The following PPFIBP2 variants were observed in gnomAD, a reference collection of about 807,000 sequenced individuals.
PPFIBP2 encodes the protein liprin-beta-2.
Under a neutral mutation model 118.3 loss-of-function variants are expected in PPFIBP2, and 118 were observed. The observed-to-expected ratio is 1.00, with a 90% CI of 0.86 to 1.16. The LOEUF (loss-of-function observed/expected upper bound fraction) is 1.16. PPFIBP2 is among the 50% of genes most tolerant of loss of function. PPFIBP2 has a pLI of 0.00. For missense variants in PPFIBP2, 1,195 were observed against 1,073.1 expected, an observed-to-expected ratio of 1.11 and a Z score of -1.59; for synonymous variants, 414 against 397.4, an observed-to-expected ratio of 1.04 and a Z score of -0.50.
At chr11:7,554,578 T>G (rs1853365215) in intron 2 of PPFIBP2, among the ~76,000 whole-genome samples, 1 of 151,398 alleles carries the variant, frequency 6.6e-6, no homozygotes, top group Non-Finnish European at 1.5e-5. Flanking sequence ...AGGAGTACTC[T>G]GAGAGGACAT....
chr11:7,605,980 A>G, intron 5 of PPFIBP2: 1 of 1,535,592 alleles, frequency 6.5e-7, no homozygotes, highest in Non-Finnish European at 8.7e-7. Flanking sequence ...AATAACAAGG[A>G]TGTGGAAGCT....
chr11:7,656,811 C>G, downstream of PPFIBP2: 1 of 1,289,708 alleles, frequency 7.8e-7, no homozygotes, highest in South Asian at 1.2e-5. Flanking sequence ...TTCTTCGTGG[C>G]TGAGAGCGTA....
At chr11:7,535,326 A>G (rs1008267235) in intron 1 of PPFIBP2, among the ~76,000 whole-genome samples, 1 of 152,204 alleles carries the variant, frequency 6.6e-6, no homozygotes, top group East Asian at 1.9e-4. Flanking sequence ...TTAGTTGAGG[A>G]AACAGCATGA....
chr11:7,665,969 AGT>A, the PPFIBP2 span: 3 of 1,496,624 alleles, frequency 2.0e-6, no homozygotes, highest in South Asian at 3.6e-5. Context: ...AGCCGGGAGC[AGT>A]GTGAGAGGCG....
At chr11:7,534,681 C>T (rs1174040400) in intron 1 of PPFIBP2, among the ~76,000 whole-genome samples, 2 of 152,142 alleles carry the variant, frequency 1.3e-5, no homozygotes, top group African/African-American at 4.8e-5. Context: ...GAGGTAAGGA[C>T]TACCACAGGT....
intron 3 of PPFIBP2, 117 bp downstream of exon 3, chr11:7,565,884 C>T (rs893732328): frequency 9.2e-6 from 11 of 1,193,822 alleles, no homozygotes; most frequent in Non-Finnish European, 9.3e-6. Context: ...CCTTTTCTTC[C>T]ATCCCACTTT....
chr11:7,605,976 A>G, intron 5 of PPFIBP2: 14 of 1,535,478 alleles, frequency 9.1e-6, no homozygotes, highest in Non-Finnish European at 1.2e-5. Flanking sequence ...AGTTAATAAC[A>G]AGGATGTGGA....
downstream of PPFIBP2, among the ~76,000 whole-genome samples, chr11:7,653,953 C>G (rs1052326943): frequency 4.6e-5 from 7 of 152,096 alleles, no homozygotes; most frequent in Non-Finnish European, 1.0e-4. Context: ...GGTCCGTGGC[C>G]GCACTGCTTC....
rs190618429 is a variant in PPFIBP2, at chr11:7,640,253, T to C, written c.1375+383T>C. On this transcript the variant is annotated intron_variant, in intron 15 of 23. Coordinates refer to ENST00000299492, the MANE Select transcript of PPFIBP2 (RefSeq NM_003621.5). The stretch of plus-strand genomic sequence containing the variant: ...CTGCCCCTGGTGCTTCCTTCCTCTG[T>C]CATTCTGATCTTCTCTCTCCTGTCT... Among the ~76,000 whole-genome samples the C allele has an allele frequency of 9.9e-5, 15 of 152,264 alleles. No individual in the cohort carries two copies. The East Asian group carries it at 2.9e-3, about 29-fold the overall frequency.
At chr11:7,632,047 G>A (rs1269838133) in intron 11 of PPFIBP2, among the ~76,000 whole-genome samples, 2 of 152,200 alleles carry the variant, frequency 1.3e-5, no homozygotes, top group Non-Finnish European at 2.9e-5. Flanking sequence ...AGGTGGCTCC[G>A]CCTGTGATGC....
chr11:7,519,004 G>A (rs1470287570), intron 1 of PPFIBP2, among the ~76,000 whole-genome samples: 2 of 152,196 alleles, frequency 1.3e-5, no homozygotes, highest in Admixed American at 6.5e-5. Flanking sequence ...ACAGGCTTCA[G>A]GAGAGGGCAG....
chr11:7,555,655 G>A (rs1221183539), intron 2 of PPFIBP2, among the ~76,000 whole-genome samples: 1 of 152,180 alleles, frequency 6.6e-6, no homozygotes, highest in African/African-American at 2.4e-5. Flanking sequence ...TGTCTAAGGG[G>A]CAGAGCTATC....
At chr11:7,552,005 C>A (rs573482071) in intron 2 of PPFIBP2, among the ~76,000 whole-genome samples, 5 of 152,290 alleles carry the variant, frequency 3.3e-5, no homozygotes, top group African/African-American at 9.6e-5. Flanking sequence ...CCTTCCATTT[C>A]CTTAGTCCTC....
intron 3 of PPFIBP2, among the ~76,000 whole-genome samples, chr11:7,581,901 A>G (rs59305789): frequency 0.029 from 4,359 of 152,194 alleles, 216 homozygotes; most frequent in African/African-American, 0.099. Flanking sequence ...CAGTGGCACA[A>G]TCTTGGCTCA....
At chr11:7,560,077 T>G (rs1376693940) in intron 2 of PPFIBP2, among the ~76,000 whole-genome samples, 1 of 152,198 alleles carries the variant, frequency 6.6e-6, no homozygotes, top group Non-Finnish European at 1.5e-5. Flanking sequence ...GCTCTGAGAT[T>G]TTCTGAAATG....
At chr11:7,597,205 G>C in intron 4 of PPFIBP2, 1 of 1,490,066 alleles carries the variant, frequency 6.7e-7, no homozygotes, top group Admixed American at 2.2e-5. Flanking sequence ...GTGCTGGCAA[G>C]CCAGCTGAGA....
chr11:7,577,062 A>G (rs1393724594), intron 3 of PPFIBP2: 1 of 153,898 alleles, frequency 6.5e-6, no homozygotes, highest in Non-Finnish European at 1.4e-5. Flanking sequence ...TGAAGCAGAG[A>G]CAGGAAATCG....
chr11:7,567,643 G>A (rs1264197904), intron 3 of PPFIBP2, among the ~76,000 whole-genome samples: 1 of 152,198 alleles, frequency 6.6e-6, no homozygotes, highest in Non-Finnish European at 1.5e-5. Flanking sequence ...TTTAGATCTT[G>A]CAGACCTAAA....
chr11:7,586,559 C>G (rs1289759224), intron 3 of PPFIBP2, among the ~76,000 whole-genome samples: 2 of 152,078 alleles, frequency 1.3e-5, no homozygotes, highest in Non-Finnish European at 2.9e-5. Flanking sequence ...CTAACTTGAC[C>G]CTTTCTGTTG....
Sources: allele counts gnomAD v4.1 joint callset (sites outside exome capture counted in the v4.1 genomes callset), GRCh38; gene constraint gnomAD v4.1.1; transcripts MANE v1.5; gene names NCBI Gene and HGNC (gene_info 2026-07-23, HGNC 2026-07-21).